PCDHGA6: variants seen among roughly 807,000 people sequenced by gnomAD.
PCDHGA6 encodes protocadherin gamma subfamily A, 6, also known as protocadherin gamma-A6.
PCDHGA6 carries 41 observed loss-of-function variants against 60.6 expected under a neutral mutation model. The observed-to-expected ratio is 0.68, with a 90% CI of 0.53 to 0.88. PCDHGA6 has a LOEUF of 0.88. Ranked by LOEUF, PCDHGA6 falls within the 40% of genes least tolerant of loss-of-function variation. The pLI, the probability that PCDHGA6 is intolerant of heterozygous loss-of-function variation, is 0.00. For missense variants in PCDHGA6, 1,312 were observed against 1,203.0 expected (o/e 1.09, Z -1.34); for synonymous variants, 594 against 524.4 (o/e 1.13, Z -1.81).
In PCDHGA6 at chr5:141,476,255, G is replaced by A. The variant is rs767691159; in HGVS notation, c.2425-18552G>A. 6.2e-7 allele frequency: 1 copy of A among 1,614,090 alleles called. No individual in the cohort carries two copies. Among genetic ancestry groups the A allele is most frequent in the Admixed American group, 1.7e-5 (1 of 60,022 alleles). ...GGAGGAAAGAGAGAAGGGTTTCGCT[G>A]TGGGCAACGTGGTCGCGAACCTTGG... On this transcript the variant is annotated intron_variant, in intron 1 of 3. Transcript: ENST00000517434. The surrounding 1 kb of genome is among the most constrained non-coding windows in gnomAD (Gnocchi z 7.6).
chr5:141,448,928 G>C (rs2098617520), intron 1 of PCDHGA6, among the ~76,000 whole-genome samples: 1 of 152,166 alleles, frequency 6.6e-6, no homozygotes, highest in Non-Finnish European at 1.5e-5. Context: ...CTGGGCGACA[G>C]AGCAAGACTG....
At chr5:141,469,312 C>T (rs1387258560) in intron 1 of PCDHGA6, among the ~76,000 whole-genome samples, 2 of 152,064 alleles carry the variant, frequency 1.3e-5, no homozygotes, top group Non-Finnish European at 2.9e-5. Flanking sequence ...CACGATGGCT[C>T]ACGCCTGTAA....
intron 1 of PCDHGA6, among the ~76,000 whole-genome samples, chr5:141,470,694 ATAATTT>A (rs2099236876): frequency 6.6e-6 from 1 of 151,978 alleles, no homozygotes; most frequent in African/African-American, 2.4e-5. Context: ...GAAATTCTTA[ATAATTT>A]TTATTTTATT....
intron 1 of PCDHGA6, chr5:141,440,034 A>T (rs995962283): frequency 6.5e-6 from 1 of 153,052 alleles, no homozygotes; most frequent in African/African-American, 2.4e-5. Context: ...AGTGTCGAGG[A>T]CATGCCCACT....
At position 141,487,033 on chromosome 5, in the gene PCDHGA6, A is replaced by C. The variant is rs1465525110; in HGVS notation, c.2425-7774A>C. ...AGGCCCCAGATCCCAGCCTGTTTGC[A>C]GTCTCTCGATATGCTGGGGAGGTGC... On this transcript the variant is annotated intron_variant, in intron 1 of 3. Transcript: ENST00000517434. This position sits in a 1 kb window ranked among gnomAD's most constrained non-coding sequence, Gnocchi z 5.0. 3 of 1,614,160 alleles carry C rather than the reference A, an allele frequency of 1.9e-6. No individual in the cohort carries two copies. Among genetic ancestry groups the C allele is most frequent in the Non-Finnish European group, 2.5e-6 (3 of 1,180,032 alleles).
intron 3 of PCDHGA6, among the ~76,000 whole-genome samples, chr5:141,509,320 C>A (rs1261653347): frequency 6.6e-6 from 1 of 152,194 alleles, no homozygotes; most frequent in Non-Finnish European, 1.5e-5. Flanking sequence ...GGGAGAGAAG[C>A]TCTACTGCCA....
At chr5:141,460,961 ATGTGTG>A (rs35821115) in intron 1 of PCDHGA6, among the ~76,000 whole-genome samples, 6 of 144,616 alleles carry the variant, frequency 4.1e-5, no homozygotes, top group South Asian at 4.4e-4. Flanking sequence ...GTATATATAT[ATGTGTG>A]TGTGTGTGTG....
rs573580017 is a variant in PCDHGA6, at chr5:141,484,867, G to T, written c.2425-9940G>T. 33 of 282,678 alleles carry T rather than the reference G, an allele frequency of 1.2e-4. No individual in the cohort carries two copies. The South Asian group carries it at 1.6e-3, about 14-fold the overall frequency. The allele number at this position is 282,678 out of a possible 1,614,324, so 17.5% of individuals were successfully genotyped here. On this transcript the variant is annotated intron_variant, in intron 1 of 3. Transcript: ENST00000517434. ...TGGGTTTTTTGGGGGGTGGGGGAGC[G>T]TGGAGGATAGGGTGGGCTTTTTCCC...
chr5:141,503,547 C>T (rs545918096), intron 2 of PCDHGA6, among the ~76,000 whole-genome samples: 22 of 147,734 alleles, frequency 1.5e-4, no homozygotes, highest in African/African-American at 4.8e-4. Flanking sequence ...TGCAGTGAGC[C>T]GAGATCGCGC....
intron 1 of PCDHGA6, among the ~76,000 whole-genome samples, chr5:141,435,264 T>C (rs1442193276): frequency 5.3e-5 from 8 of 152,222 alleles, no homozygotes; most frequent in Non-Finnish European, 8.8e-5. Context: ...GATATGTCCA[T>C]TTATACTTTC....
At chr5:141,414,781 G>A (rs755811755) in intron 1 of PCDHGA6, 1 of 1,614,230 alleles carries the variant, frequency 6.2e-7, no homozygotes, top group Admixed American at 1.7e-5. Context: ...ACAGATGCAG[G>A]TGACAGCCAG....
At chr5:141,415,282 G>A in intron 1 of PCDHGA6, 1 of 1,614,224 alleles carries the variant, frequency 6.2e-7, no homozygotes, top group Non-Finnish European at 8.5e-7. Flanking sequence ...AGCGGTGGCC[G>A]CGGTCTCCTG....
rs2154591305 is a variant in PCDHGA6, at chr5:141,493,879, G to A, written c.2425-928G>A. Among the ~76,000 whole-genome samples the A allele has an allele frequency of 6.6e-6, 1 of 152,288 alleles. No homozygotes were observed. The highest frequency in any genetic ancestry group is 6.5e-5 in the Admixed American group (1 of 15,302). ...CCCACCCCAGAACCAGTGAGGAGGT[G>A]GCTCTAGGAGTGCTCCATGAGAGTG... On this transcript the variant is annotated intron_variant, in intron 1 of 3. Coordinates refer to ENST00000517434, the MANE Select transcript of PCDHGA6 (RefSeq NM_018919.3). This position sits in a 1 kb window ranked among gnomAD's most constrained non-coding sequence, Gnocchi z 4.3.
At chr5:141,439,077 C>T (rs978045948) in intron 1 of PCDHGA6, among the ~76,000 whole-genome samples, 1 of 151,492 alleles carries the variant, frequency 6.6e-6, no homozygotes, top group Non-Finnish European at 1.5e-5. Flanking sequence ...CCTGTAATCC[C>T]AGCTACTCAG....
chr5:141,475,981 G>A, intron 1 of PCDHGA6: 1 of 1,042,940 alleles, frequency 9.6e-7, no homozygotes, highest in Non-Finnish European at 1.4e-6. Context: ...CTGAACAGCC[G>A]GCGAGCAAAT....
chr5:141,394,643 G>T, intron 1 of PCDHGA6: 1 of 1,613,492 alleles, frequency 6.2e-7, no homozygotes, highest in Non-Finnish European at 8.5e-7. Flanking sequence ...GCCTGCTCAA[G>T]GCCAGCGAGC....
chr5:141,420,840 T>A (rs2096528017), intron 1 of PCDHGA6, among the ~76,000 whole-genome samples: 1 of 152,250 alleles, frequency 6.6e-6, no homozygotes, highest in African/African-American at 2.4e-5. Flanking sequence ...TCGCAGGTGT[T>A]CTTGGTAAAG....
chr5:141,443,166 C>T (rs914863821), intron 1 of PCDHGA6, among the ~76,000 whole-genome samples: 2 of 152,124 alleles, frequency 1.3e-5, no homozygotes, highest in African/African-American at 4.8e-5. Context: ...ATTTCCCTAC[C>T]CATGTCCACT....
At chr5:141,428,241 A>C (rs1416124194) in intron 1 of PCDHGA6, 1 of 961,518 alleles carries the variant, frequency 1.0e-6, no homozygotes, top group Admixed American at 2.0e-5. Flanking sequence ...TGCAGGAGGC[A>C]CTGCCAGACT....
Sources: allele counts gnomAD v4.1 joint callset (sites outside exome capture counted in the v4.1 genomes callset), GRCh38; gene constraint gnomAD v4.1.1; non-coding constraint Gnocchi (gnomAD v3.1); transcripts MANE v1.5; gene names NCBI Gene and HGNC (gene_info 2026-07-23, HGNC 2026-07-21).